CYB5RL: variants seen among roughly 807,000 people sequenced by gnomAD.
The protein encoded by CYB5RL is cytochrome b5 reductase like.
Under a neutral mutation model 37.5 loss-of-function variants are expected in CYB5RL, and 38 were observed. That is an observed-to-expected ratio of 1.01 (90% CI 0.78 to 1.33). The LOEUF (loss-of-function observed/expected upper bound fraction) is 1.33. Ranked by LOEUF, CYB5RL falls within the 40% of genes most tolerant of loss-of-function variation. The probability of loss-of-function intolerance (pLI) is 0.00; values close to 1 mark genes in which losing one functional copy is unlikely to be tolerated. For synonymous variants in CYB5RL, 141 were observed against 151.9 expected (o/e 0.93, Z 0.53); for missense variants, 388 against 394.4 (o/e 0.98, Z 0.14).
intron 4 of CYB5RL, 188 bp downstream of exon 4, chr1:54,190,560 T>C (rs1015511220): frequency 1.9e-5 from 13 of 697,406 alleles, no homozygotes; most frequent in Non-Finnish European, 3.1e-5. Context: ...GTGATTGTGT[T>C]ATTATTTATT....
At chr1:54,174,874 G>A (rs1659984302) in intron 7 of CYB5RL, 52 bp from the exon 8 acceptor site, 7 of 1,567,764 alleles carry the variant, frequency 4.5e-6, no homozygotes, top group African/African-American at 1.3e-5. Context: ...GGGGTCCTTA[G>A]TGTTCACACA....
chr1:54,178,828 G>T (rs1660083822), intron 7 of CYB5RL, among the ~76,000 whole-genome samples: 1 of 152,238 alleles, frequency 6.6e-6, no homozygotes, highest in Non-Finnish European at 1.5e-5. Context: ...TGTAACTGAT[G>T]ATGCCAGAGG....
intron 6 of CYB5RL, among the ~76,000 whole-genome samples, chr1:54,180,486 C>T (rs1223800654): frequency 6.6e-6 from 1 of 151,876 alleles, no homozygotes; most frequent in Non-Finnish European, 1.5e-5. Context: ...CGCCTGTAGT[C>T]CCAGATATTC....
chr1:54,179,253 T>C lies in CYB5RL; in HGVS notation c.640A>G (p.Thr214Ala). Reference sequence around the variant, plus strand: ...AAGGTCTTGAAGCAACCGACCAGAGTGACAAAAGTCTCGTCATTCTCATTG... The same window carrying C: ...AAGGTCTTGAAGCAACCGACCAGAGCGACAAAAGTCTCGTCATTCTCATTG... ...TDNENDETFV[T>A]LVGCFKTFES... Residue 214 changes from threonine to alanine, a missense_variant, in exon 7 of 8, where the codon ACT becomes GCT. By Grantham distance (58) the Thr-to-Ala change is moderately conservative. Transcript: ENST00000534324. 1 of 1,613,780 alleles carries C rather than the reference T, an allele frequency of 6.2e-7. No individual in the cohort carries two copies. Among genetic ancestry groups the C allele is most frequent in the Non-Finnish European group, 8.5e-7 (1 of 1,179,832 alleles).
In CYB5RL at chr1:54,195,425, C is replaced by T. The variant is rs1341642510; in HGVS notation, c.192G>A (p.Glu64=). ...SKDRSLLRGP[E]SQSCPSKLNP... ...GAGAAGCAGCCTCTCTCACCTGTGACTCTGGCCCACGCAGCAGGCTCCTGT... is the reference window on the plus strand; with the variant it reads ...GAGAAGCAGCCTCTCTCACCTGTGATTCTGGCCCACGCAGCAGGCTCCTGT... Residue 64 remains glutamate (E), a synonymous_variant, in exon 3 of 8, where the codon GAG becomes GAA. Transcript: ENST00000534324. 4 of 1,594,166 alleles carry T rather than the reference C, an allele frequency of 2.5e-6. No individual in the cohort carries two copies. Among genetic ancestry groups the T allele is most frequent in the Non-Finnish European group, 2.6e-6 (3 of 1,166,916 alleles).
At position 54,197,312 on chromosome 1, in the gene CYB5RL, C is replaced by CTTTTTTTTTTTTTTTTTT. The variant is rs199620217; in HGVS notation, c.-222-822_-222-821insAAAAAAAAAAAAAAAAAA. On this transcript the variant is annotated intron_variant, in intron 1 of 7. Transcript: ENST00000534324. ...TCATAAACACTTTTCTTTTTCTTTTCTTTTCTTTTTTTTTTTTTTTTGAGA... is the reference window on the plus strand; with the variant it reads ...TCATAAACACTTTTCTTTTTCTTTTCTTTTTTTTTTTTTTTTTTTTTTCTTTTTTTTTTTTTTTTGAGA... 3.1e-5 allele frequency among the ~76,000 whole-genome samples: 4 copies of CTTTTTTTTTTTTTTTTTT among 130,370 alleles called. 1 individual carries two copies. The highest frequency in any genetic ancestry group is 4.8e-4 in the East Asian group (2 of 4,168). 85.5% of individuals were successfully genotyped at this position (130,370 alleles called of 152,430 possible).
chr1:54,184,354 A>G (rs1660239939), intron 5 of CYB5RL, 89 bp from the exon 6 acceptor site: 2 of 1,075,950 alleles, frequency 1.9e-6, no homozygotes, highest in Middle Eastern at 2.4e-4. Flanking sequence ...CCCGTTCTGT[A>G]TGCTAAGTGC....
intron 3 of CYB5RL, among the ~76,000 whole-genome samples, chr1:54,192,913 T>C (rs12059748): frequency 0.1 from 15,449 of 152,042 alleles, 1,599 homozygotes; most frequent in East Asian, 0.32. Flanking sequence ...TGCCACCACG[T>C]CTGGCTAATT....
Position 54,195,525 on chromosome 1 carries a change from C to T in CYB5RL, c.92G>A (p.Ser31Asn). Reference sequence around the variant, plus strand: ...GTCAAACACACAGGGTGAGCAGCCACTGCCGCAGCACTGGGAAGGCAAGGG... The same window carrying T: ...GTCAAACACACAGGGTGAGCAGCCATTGCCGCAGCACTGGGAAGGCAAGGG... Reference protein sequence around the residue: ...TEPLPSQCCGSGCSPCVFDLY... With the variant: ...TEPLPSQCCGNGCSPCVFDLY... Residue 31 changes from serine (S) to asparagine (N), a missense_variant, in exon 3 of 8, where the codon AGT becomes AAT. Transcript: ENST00000534324. The T allele has an allele frequency of 6.2e-7, 1 of 1,613,802 alleles. No homozygotes were observed. The highest frequency in any genetic ancestry group is 8.5e-7 in the Non-Finnish European group (1 of 1,179,784).
chr1:54,170,707 G>A lies in CYB5RL; in HGVS notation c.*3912C>T, dbSNP rs890061428. ...ATTACAGGTGTGAGCCACCGCGCCC[G>A]GCCCAGTAACAATCTTTATACACAT... On this transcript the variant is annotated 3_prime_UTR_variant, in exon 8 of 8. Transcript: ENST00000534324. The A allele has an allele frequency of 8.8e-5, 17 of 192,692 alleles. No individual in the cohort carries two copies. The highest frequency in any genetic ancestry group is 3.0e-4 in the African/African-American group (13 of 43,550). 11.9% of individuals were successfully genotyped at this position (192,692 alleles called of 1,614,324 possible).
rs563875022 is a variant in CYB5RL at position 54,187,667 on chromosome 1, A to T, written c.420T>A (p.Phe140Leu). The T allele has an allele frequency of 1.2e-6, 2 of 1,613,826 alleles. No individual in the cohort carries two copies. The highest frequency in any genetic ancestry group is 1.7e-6 in the Non-Finnish European group (2 of 1,179,886). Reference protein sequence around the residue: ...PISPANAEGYFEVLIKCYQMG... With the variant: ...PISPANAEGYLEVLIKCYQMG... ...GTCAACTCACCTTAATTAACACTTC[A>T]AAGTATCCTTCTGCGTTGGCAGGGC... is the stretch of plus-strand genomic sequence containing the variant. The change falls in exon 5 of 8, where the codon TTT becomes TTA. Residue 140 changes from phenylalanine (F) to leucine (L), a missense_variant. Coordinates refer to ENST00000534324, the MANE Select transcript of CYB5RL (RefSeq NM_001031672.4).
At chr1:54,185,653 G>C (rs1341897190) in intron 5 of CYB5RL, 1 of 152,216 alleles carries the variant, frequency 6.6e-6, no homozygotes, top group Non-Finnish European at 1.5e-5. Flanking sequence ...GGAAAGGTGA[G>C]GTTTTTCTCC....
chr1:54,184,448 A>G, intron 5 of CYB5RL, 183 bp from the exon 6 acceptor site: 1 of 563,510 alleles, frequency 1.8e-6, no homozygotes. Context: ...GAGGCCCAGA[A>G]GCTTACACAG....
chr1:54,197,370 T>C (rs1177720415), intron 1 of CYB5RL, among the ~76,000 whole-genome samples: 1 of 146,212 alleles, frequency 6.8e-6, no homozygotes, highest in Non-Finnish European at 1.5e-5. Flanking sequence ...GGTTGCCAGG[T>C]TGGAGTACAG....
At chr1:54,189,108 G>A (rs1276092000) in intron 4 of CYB5RL, among the ~76,000 whole-genome samples, 1 of 152,162 alleles carries the variant, frequency 6.6e-6, no homozygotes, top group Non-Finnish European at 1.5e-5. Context: ...ACTTGAACCT[G>A]GGAGGCGGAG....
rs932897325 is a variant in CYB5RL at position 54,174,201 on chromosome 1, G to T, written c.*418C>A. ...CGTGTCCTTCCCTACACACTCAGGA[G>T]CCCCTAATCCGAGATGGTGCTGAGG... On this transcript the variant is annotated 3_prime_UTR_variant, in exon 8 of 8. Transcript: ENST00000534324. The T allele has an allele frequency of 2.6e-5, 6 of 231,024 alleles. No individual in the cohort carries two copies. The highest frequency in any genetic ancestry group is 1.3e-4 in the African/African-American group (6 of 45,308). The allele number at this position is 231,024 out of a possible 1,614,324, so 14.3% of individuals were successfully genotyped here.
At chr1:54,176,236 C>T (rs1287495698) in intron 7 of CYB5RL, among the ~76,000 whole-genome samples, 1 of 152,210 alleles carries the variant, frequency 6.6e-6, no homozygotes, top group Non-Finnish European at 1.5e-5. Context: ...CTGAGGCACA[C>T]TCAAAGGGCC....
chr1:54,179,399 C>T (rs1557719211), intron 6 of CYB5RL, 47 bp from the exon 7 acceptor site: 1 of 1,567,898 alleles, frequency 6.4e-7, no homozygotes, highest in Admixed American at 1.8e-5. Context: ...GGGAGAGTCT[C>T]ACCTTATCCC....
intron 6 of CYB5RL, among the ~76,000 whole-genome samples, chr1:54,180,809 A>G (rs920345740): frequency 6.6e-6 from 1 of 152,164 alleles, no homozygotes; most frequent in Admixed American, 6.5e-5. Context: ...GCACTTCCCC[A>G]TAACAGCACC....
Sources: allele counts gnomAD v4.1 joint callset (sites outside exome capture counted in the v4.1 genomes callset), GRCh38; gene constraint gnomAD v4.1.1; transcripts MANE v1.5; gene names NCBI Gene and HGNC (gene_info 2026-07-23, HGNC 2026-07-21).